The following PFKFB4 variants were observed in gnomAD, a reference collection of about 807,000 sequenced individuals.
PFKFB4 encodes 6-phosphofructo-2-kinase/fructose-2,6-bisphosphatase 4.
Under a neutral mutation model 62.8 loss-of-function variants are expected in PFKFB4, and 42 were observed. The ratio of observed to expected loss-of-function variants is 0.67; its 90% confidence interval spans 0.52 to 0.86. The LOEUF (loss-of-function observed/expected upper bound fraction) is 0.86. PFKFB4 is among the 40% of genes least tolerant of loss of function. The pLI is 0.00. For synonymous variants in PFKFB4, 204 were observed against 240.7 expected (o/e 0.85, Z 1.41); for missense variants, 475 against 627.2 (o/e 0.76, Z 2.59).
rs555135034 is a variant in PFKFB4, at chr3:48,531,300, C to G, written c.987+4212G>C. On this transcript the variant is annotated intron_variant, in intron 9 of 13. Transcript: ENST00000232375. The stretch of plus-strand genomic sequence containing the variant: ...ATCACCTGAGGTCAGGAGTTCAAGA[C>G]CAGCCTGACCAACATGGAGAAACTC... Among the ~76,000 whole-genome samples, 5 of 151,924 alleles carry G rather than the reference C, an allele frequency of 3.3e-5. 1 individual carries two copies. The highest frequency in any genetic ancestry group is 1.2e-4 in the African/African-American group (5 of 41,456).
intron 1 of PFKFB4, among the ~76,000 whole-genome samples, chr3:48,554,214 G>A (rs945269742): frequency 1.3e-5 from 2 of 152,100 alleles, no homozygotes; most frequent in Non-Finnish European, 2.9e-5. Flanking sequence ...GACCAAATCC[G>A]CTTCCATCCC....
intron 9 of PFKFB4, among the ~76,000 whole-genome samples, chr3:48,530,892 A>C (rs2042407188): frequency 6.6e-6 from 1 of 152,140 alleles, no homozygotes; most frequent in African/African-American, 2.4e-5. Context: ...TTTTTAGTAC[A>C]GACAGGGTTT....
intron 9 of PFKFB4, among the ~76,000 whole-genome samples, chr3:48,530,601 AATG>A (rs1314714728): frequency 1.3e-5 from 2 of 152,378 alleles, no homozygotes; most frequent in East Asian, 3.8e-4. Flanking sequence ...ACATACCAGT[AATG>A]ATAATAATAA....
At chr3:48,537,431 T>C (rs1176317954) in intron 7 of PFKFB4, among the ~76,000 whole-genome samples, 3 of 151,758 alleles carry the variant, frequency 2.0e-5, no homozygotes, top group East Asian at 1.9e-4. Context: ...GGGCTGGCTC[T>C]AGAACCCAGC....
At chr3:48,548,132 T>A (rs189110670) in intron 3 of PFKFB4, 7 of 152,194 alleles carry the variant, frequency 4.6e-5, no homozygotes, top group Admixed American at 4.6e-4. Context: ...ATCCCAAATA[T>A]CCCTACCTTA....
chr3:48,550,036 C>T (rs760397075), intron 2 of PFKFB4, 76 bp from the exon 3 acceptor site: 1 of 1,425,922 alleles, frequency 7.0e-7, no homozygotes, highest in Non-Finnish European at 9.9e-7. Flanking sequence ...AACCCCAGGC[C>T]AAATAATAGA....
upstream of PFKFB4, chr3:48,562,914 G>A (rs200363094): frequency 1.6e-5 from 25 of 1,604,820 alleles, no homozygotes; most frequent in African/African-American, 1.3e-4. This position sits in a 1 kb window ranked among gnomAD's most constrained non-coding sequence, Gnocchi z 4.3. Flanking sequence ...AGGACAATGC[G>A]CGAGCCAGGG....
At chr3:48,560,405 C>A (rs917097348), upstream of PFKFB4, among the ~76,000 whole-genome samples, 20 of 152,210 alleles carry the variant, frequency 1.3e-4, no homozygotes, top group African/African-American at 4.6e-4. Context: ...TCTCCCTGGG[C>A]CCAGGGCTCA....
chr3:48,563,057 G>C, upstream of PFKFB4: 3 of 1,612,262 alleles, frequency 1.9e-6, no homozygotes, highest in South Asian at 3.3e-5. This position sits in a 1 kb window ranked among gnomAD's most constrained non-coding sequence, Gnocchi z 4.5. Flanking sequence ...TGGGATAGGG[G>C]TCACTGGGAC....
chr3:48,543,719 C>T, intron 3 of PFKFB4, 73 bp from the exon 4 acceptor site: 1 of 1,126,914 alleles, frequency 8.9e-7, no homozygotes, highest in South Asian at 1.3e-5. Flanking sequence ...GGACACACAA[C>T]AGGAGGAGAC....
At chr3:48,540,337 C>T (rs1200775770) in intron 4 of PFKFB4, among the ~76,000 whole-genome samples, 1 of 152,166 alleles carries the variant, frequency 6.6e-6, no homozygotes, top group Non-Finnish European at 1.5e-5. Context: ...CAGAGCACAC[C>T]ACCTGTGCAG....
At chr3:48,536,112 T>C (rs1490078496) in intron 8 of PFKFB4, 144 bp downstream of exon 8, 1 of 687,530 alleles carries the variant, frequency 1.5e-6, no homozygotes, top group African/African-American at 1.8e-5. Context: ...GATGGGAAGA[T>C]TCTAGGTTGA....
chr3:48,541,637 A>G (rs1029611448), intron 4 of PFKFB4, among the ~76,000 whole-genome samples: 1 of 152,156 alleles, frequency 6.6e-6, no homozygotes, highest in Non-Finnish European at 1.5e-5. Flanking sequence ...ACCTTTAACA[A>G]GAAAAACAGA....
intron 1 of PFKFB4, among the ~76,000 whole-genome samples, chr3:48,553,692 G>T (rs2043224625): frequency 6.6e-6 from 1 of 152,216 alleles, no homozygotes; most frequent in South Asian, 2.1e-4. Flanking sequence ...ACAAGTCCCT[G>T]GAGGGGGTGC....
intron 10 of PFKFB4, among the ~76,000 whole-genome samples, chr3:48,525,237 G>C (rs929096130): frequency 2.0e-5 from 3 of 152,164 alleles, no homozygotes; most frequent in Non-Finnish European, 2.9e-5. Context: ...TAACTCCGCA[G>C]ATCCCCCACC....
Position 48,536,392 on chromosome 3 carries a change from T to C in PFKFB4, c.704A>G (p.Gln235Arg). 1 of 1,614,242 alleles carries C rather than the reference T, an allele frequency of 6.2e-7. No homozygotes were observed. The highest frequency in any genetic ancestry group is 1.1e-5 in the South Asian group (1 of 91,080). ...YVVNRVADHI[Q>R]SRIVYYLMNI... ...CATGAGGTAATATACGATGCGGCTC[T>C]GGATGTGGTCAGCCACACGGTTCAC... is the stretch of plus-strand genomic sequence containing the variant. Residue 235 changes from glutamine to arginine, a missense_variant, in exon 8 of 14, where the codon CAG becomes CGG. Gln to Arg is a conservative substitution (Grantham distance 43). Coordinates refer to ENST00000232375, the MANE Select transcript of PFKFB4 (RefSeq NM_004567.4).
At position 48,556,192 on chromosome 3, in the gene PFKFB4, C is replaced by A. The variant is rs1354684102; in HGVS notation, c.97+489G>T. 1 of 458,756 alleles carries A rather than the reference C, an allele frequency of 2.2e-6. No homozygotes were observed. The highest frequency in any genetic ancestry group is 4.4e-6 in the Non-Finnish European group (1 of 228,562). 28.4% of individuals were successfully genotyped at this position (458,756 alleles called of 1,614,324 possible). A position where few individuals can be genotyped will look rare whatever the true frequency, so the allele number is the denominator to read the frequency against. ...CAAGCTCAGCTTTAAGGCCAAGAGG[C>A]ACCCTTCCTCCTGTTGGAAAACTAG... On this transcript the variant is annotated intron_variant, in intron 1 of 13. Coordinates refer to ENST00000232375, the MANE Select transcript of PFKFB4 (RefSeq NM_004567.4). This position sits in a 1 kb window ranked among gnomAD's most constrained non-coding sequence, Gnocchi z 5.7.
Position 48,519,716 on chromosome 3 carries a change from C to A in PFKFB4, c.*31G>T. On this transcript the variant is annotated 3_prime_UTR_variant, in exon 14 of 14. Coordinates refer to ENST00000232375, the MANE Select transcript of PFKFB4 (RefSeq NM_004567.4). ...ATGACCCCCTCTGCAGAGAGCAGTG[C>A]CTGCCTAGTGGTCACAGTGGATGAA... 6.4e-7 allele frequency: 1 copy of A among 1,566,714 alleles called. No individual in the cohort carries two copies. Among genetic ancestry groups the A allele is most frequent in the African/African-American group, 1.3e-5 (1 of 74,094 alleles).
chr3:48,543,386 G>A (rs1158915823), intron 4 of PFKFB4, among the ~76,000 whole-genome samples, 194 bp downstream of exon 4: 1 of 152,228 alleles, frequency 6.6e-6, no homozygotes, highest in Non-Finnish European at 1.5e-5. Context: ...TGCCCAGAGG[G>A]AAACTCCTGG....
Sources: gnomAD v4.1 joint callset for allele counts (sites outside exome capture counted in the v4.1 genomes callset) on GRCh38, gnomAD v4.1.1 for gene constraint, Gnocchi (gnomAD v3.1) non-coding constraint, MANE v1.5 for transcripts, NCBI Gene and HGNC (gene_info 2026-07-23, HGNC 2026-07-21) for gene names.